The following RPS6KA6 variants were observed in gnomAD, a reference collection of about 807,000 sequenced individuals.
The protein encoded by RPS6KA6 is ribosomal protein S6 kinase A6.
RPS6KA6 carries 27 observed loss-of-function variants against 65.4 expected under a neutral mutation model. The ratio of observed to expected loss-of-function variants is 0.41; its 90% CI spans 0.30 to 0.57. The LOEUF is 0.57. RPS6KA6 is among the 20% of genes least tolerant of loss of function. The pLI, the probability that RPS6KA6 is intolerant of heterozygous loss-of-function variation, is 0.24. For missense variants in RPS6KA6, 486 were observed against 555.6 expected, an observed-to-expected ratio of 0.87 and a Z score of 1.26; for synonymous variants, 190 against 184.2, an observed-to-expected ratio of 1.03 and a Z score of -0.26.
Position 84,105,824 on chromosome X carries a change from C to A in RPS6KA6, c.1418G>T (p.Arg473Leu). Reference protein sequence around the residue: ...DPSEEIEILMRYGQHPNIITL... With the variant: ...DPSEEIEILMLYGQHPNIITL... ...AATAATGTTGGGATGTTGTCCATAG[C>A]GCATCAATATTTCAATCTCTTCTGA... Residue 473 changes from arginine to leucine, a missense_variant, in exon 16 of 22, where the codon CGC becomes CTC. Coordinates refer to ENST00000262752, the MANE Select transcript of RPS6KA6 (RefSeq NM_014496.5). The A allele has an allele frequency of 8.5e-7, 1 of 1,180,921 alleles. No individual in the cohort carries two copies. The highest frequency in any genetic ancestry group is 1.1e-6 in the Non-Finnish European group (1 of 872,145).
At chrX:84,074,892 A>C (rs2147342463) in intron 20 of RPS6KA6, among the ~76,000 whole-genome samples, 1 of 111,641 alleles carries the variant, frequency 9.0e-6, no homozygotes, top group African/African-American at 3.2e-5. Context: ...TAGTTATTAT[A>C]ATTGTATTCC....
chrX:84,107,738 A>G lies in RPS6KA6; in HGVS notation c.1009-13T>C. 1 of 924,150 alleles carries G rather than the reference A, an allele frequency of 1.1e-6. No individual in the cohort carries two copies. Among genetic ancestry groups the G allele is most frequent in the South Asian group, 2.2e-5 (1 of 45,919 alleles). 76.2% of individuals were successfully genotyped at this position (924,150 alleles called of 1,213,427 possible). On this transcript the variant is annotated splice_polypyrimidine_tract_variant and intron_variant, in intron 12 of 21. Coordinates refer to ENST00000262752, the MANE Select transcript of RPS6KA6 (RefSeq NM_014496.5). ...TTTTATATAATTTCTAGAAGGGACA[A>G]CCAGATAACACAAAACGTATTAAGA...
chrX:84,140,163 C>T (rs1020776759), intron 6 of RPS6KA6, among the ~76,000 whole-genome samples: 1 of 111,223 alleles, frequency 9.0e-6, no homozygotes, highest in Non-Finnish European at 1.9e-5. Flanking sequence ...GATGAACTCA[C>T]GATGGGCCAG....
At chrX:84,107,103 A>T in intron 13 of RPS6KA6, 63 bp from the exon 14 acceptor site, 4 of 961,293 alleles carry the variant, frequency 4.2e-6, no homozygotes. Flanking sequence ...ATAAAGTGTC[A>T]GAATTTCTTT....
chrX:84,123,755 G>C (rs781357583), intron 8 of RPS6KA6, among the ~76,000 whole-genome samples: 1 of 112,258 alleles, frequency 8.9e-6, no homozygotes, highest in South Asian at 3.7e-4. Flanking sequence ...CCCGGGGCCT[G>C]GGGGAACTCA....
rs1214045854 is a variant in RPS6KA6, at chrX:84,062,113, C to G, written c.*2164G>C. The G allele has an allele frequency of 8.9e-6, 1 of 111,744 alleles. No homozygotes were observed. Among genetic ancestry groups the G allele is most frequent in the Non-Finnish European group, 1.9e-5 (1 of 53,008 alleles). The allele number at this position is 111,744 out of a possible 1,213,427, so 9.2% of individuals were successfully genotyped here. ...ACACTGTCAGTCCTCACTGGGTGAT[C>G]AGAAATCATGCTGTTCATTGCTTAA... On this transcript the variant is annotated 3_prime_UTR_variant, in exon 22 of 22. Transcript: ENST00000262752.
At chrX:84,110,480 C>T (rs983800820) in intron 12 of RPS6KA6, among the ~76,000 whole-genome samples, 2 of 112,307 alleles carry the variant, frequency 1.8e-5, no homozygotes, top group African/African-American at 6.5e-5. Flanking sequence ...TAGAGCACCA[C>T]ACAATAAACA....
intron 6 of RPS6KA6, among the ~76,000 whole-genome samples, chrX:84,142,519 T>C (rs1278800492): frequency 2.7e-5 from 3 of 111,057 alleles, no homozygotes; most frequent in Non-Finnish European, 5.7e-5. Flanking sequence ...AACAATGTAA[T>C]AGAACAGAAA....
chrX:84,105,978 C>T lies in RPS6KA6; in HGVS notation c.1366-102G>A, dbSNP rs759001666. The T allele has an allele frequency of 2.0e-5, 9 of 444,502 alleles. No homozygotes were observed. In the South Asian group the frequency reaches 4.5e-4, roughly 22 times the overall value. 36.6% of individuals were successfully genotyped at this position (444,502 alleles called of 1,213,427 possible). A position where few individuals can be genotyped will look rare whatever the true frequency, so the allele number is the denominator to read the frequency against. ...ATATTTTTGAAGAAATGCTTAAAAACTCAAGAACAATACTTACCTCATATT... is the reference window on the plus strand; with the variant it reads ...ATATTTTTGAAGAAATGCTTAAAAATTCAAGAACAATACTTACCTCATATT... On this transcript the variant is annotated intron_variant, in intron 15 of 21. Transcript: ENST00000262752.
intron 2 of RPS6KA6, among the ~76,000 whole-genome samples, chrX:84,163,297 A>C (rs768997157): frequency 8.9e-6 from 1 of 112,175 alleles, no homozygotes; most frequent in Non-Finnish European, 1.9e-5. Flanking sequence ...AGACTAATCC[A>C]TACAATGAAG....
intron 20 of RPS6KA6, among the ~76,000 whole-genome samples, chrX:84,086,527 T>C (rs1478022381): frequency 9.0e-6 from 1 of 111,282 alleles, no homozygotes; most frequent in Non-Finnish European, 1.9e-5. Flanking sequence ...GGACTGTTTG[T>C]TATGATTTCA....
At chrX:84,133,910 G>A (rs2034947865) in intron 8 of RPS6KA6, among the ~76,000 whole-genome samples, 2 of 111,797 alleles carry the variant, frequency 1.8e-5, no homozygotes, top group Admixed American at 1.9e-4. Flanking sequence ...ATTTATGTCA[G>A]CTTTTGAGGT....
At chrX:84,083,646 T>C (rs767338222) in intron 20 of RPS6KA6, among the ~76,000 whole-genome samples, 1 of 112,525 alleles carries the variant, frequency 8.9e-6, no homozygotes, top group Non-Finnish European at 1.9e-5. Context: ...GTTGATTCCA[T>C]GACTTTGCTA....
intron 13 of RPS6KA6, 109 bp downstream of exon 13, chrX:84,107,514 C>A: frequency 2.2e-6 from 1 of 461,058 alleles, no homozygotes; most frequent in South Asian, 4.9e-5. Flanking sequence ...ATGGACAAAT[C>A]AACTCTCTGC....
rs1022740314 is a variant in RPS6KA6, at chrX:84,063,803, G to T, written c.*474C>A. ...AATGAATGGAGTCCTTTGGTTTTAC[G>T]GAATAACAAGCTTTTATAATAAGTT... On this transcript the variant is annotated 3_prime_UTR_variant, in exon 22 of 22. Coordinates refer to ENST00000262752, the MANE Select transcript of RPS6KA6 (RefSeq NM_014496.5). 3 of 111,500 alleles carry T rather than the reference G, an allele frequency of 2.7e-5. No homozygotes were observed. The highest frequency in any genetic ancestry group is 9.8e-5 in the African/African-American group (3 of 30,676). The allele number at this position is 111,500 out of a possible 1,213,427, so 9.2% of individuals were successfully genotyped here. A position where few individuals can be genotyped will look rare whatever the true frequency, so the allele number is the denominator to read the frequency against.
intron 6 of RPS6KA6, among the ~76,000 whole-genome samples, chrX:84,142,955 G>A (rs1369798015): frequency 2.7e-5 from 3 of 110,482 alleles, no homozygotes; most frequent in Non-Finnish European, 3.8e-5. Context: ...AAGTTAAAGA[G>A]GCAAAAACTA....
At chrX:84,090,332 T>C (rs1207061897) in intron 20 of RPS6KA6, among the ~76,000 whole-genome samples, 2 of 112,369 alleles carry the variant, frequency 1.8e-5, no homozygotes, top group Admixed American at 9.5e-5. Flanking sequence ...TTAGATAGTG[T>C]AGTCTTTCAC....
chrX:84,188,471 G>A (rs2147667990), upstream of RPS6KA6, among the ~76,000 whole-genome samples: 1 of 111,430 alleles, frequency 9.0e-6, no homozygotes, highest in East Asian at 2.9e-4. Flanking sequence ...AAAAGCCCCT[G>A]CTAGCGCCTC....
intron 8 of RPS6KA6, among the ~76,000 whole-genome samples, chrX:84,128,982 A>C (rs1038919558): frequency 8.9e-6 from 1 of 111,831 alleles, no homozygotes; most frequent in African/African-American, 3.2e-5. Flanking sequence ...ATCAAAGCAA[A>C]TATGGACAAA....
Sources: gnomAD v4.1 joint callset for allele counts (sites outside exome capture counted in the v4.1 genomes callset) on GRCh38, gnomAD v4.1.1 for gene constraint, MANE v1.5 for transcripts, NCBI Gene and HGNC (gene_info 2026-07-23, HGNC 2026-07-21) for gene names.